SH3RF1: variants seen among roughly 807,000 people sequenced by gnomAD.
SH3RF1 encodes the protein SH3 domain containing ring finger 1, also known as E3 ubiquitin-protein ligase SH3RF1.
Under a neutral mutation model 74.0 loss-of-function variants are expected in SH3RF1, and 32 were observed. The observed-to-expected ratio is 0.43, with a 90% CI of 0.33 to 0.58. SH3RF1 has a LOEUF of 0.58. Among genes scored for constraint, SH3RF1 ranks in the 20% least tolerant of loss-of-function variants. The pLI is 0.05. For missense variants in SH3RF1, 954 were observed against 1,130.9 expected (o/e 0.84, Z 2.24); for synonymous variants, 396 against 439.6 (o/e 0.90, Z 1.24).
rs12508499 is a variant in SH3RF1, at chr4:169,204,492, C to G, written c.394-47813G>C. Among the ~76,000 whole-genome samples, 129 of 151,366 alleles carry G rather than the reference C, an allele frequency of 8.5e-4. 1 individual carries two copies. The highest frequency in any genetic ancestry group is 5.8e-3 in the East Asian group (30 of 5,158). ...GTAATGAAGTAGAGTATTCAATACA[C>G]AATTAGTTTACAGAAATTACACTAA... On this transcript the variant is annotated intron_variant, in intron 2 of 11. Coordinates refer to ENST00000284637, the MANE Select transcript of SH3RF1 (RefSeq NM_020870.4).
At chr4:169,249,083 C>T (rs1469406248) in intron 2 of SH3RF1, among the ~76,000 whole-genome samples, 1 of 152,048 alleles carries the variant, frequency 6.6e-6, no homozygotes, top group Non-Finnish European at 1.5e-5. Flanking sequence ...AAAAAATTAG[C>T]CAGGCATGGT....
chr4:169,186,196 T>C (rs1213523296), intron 2 of SH3RF1, among the ~76,000 whole-genome samples: 1 of 152,042 alleles, frequency 6.6e-6, no homozygotes, highest in African/African-American at 2.4e-5. Flanking sequence ...AAATAGAGAG[T>C]ATGGTAGCTT....
intron 2 of SH3RF1, among the ~76,000 whole-genome samples, chr4:169,230,855 CAAA>C (rs35156191): frequency 0.45 from 55,331 of 122,232 alleles, 11,632 homozygotes; most frequent in East Asian, 0.75. Flanking sequence ...GAAACCACCT[CAAA>C]AAAAAAAAAA....
chr4:169,117,499 G>A (rs746265913), intron 9 of SH3RF1, 24 bp downstream of exon 9: 4 of 1,612,714 alleles, frequency 2.5e-6, no homozygotes, highest in Non-Finnish European at 3.4e-6. Context: ...ATCCTGATAT[G>A]TTCTGGCCTG....
chr4:169,247,825 G>A (rs778538708), intron 2 of SH3RF1, among the ~76,000 whole-genome samples: 1 of 152,156 alleles, frequency 6.6e-6, no homozygotes, highest in African/African-American at 2.4e-5. Flanking sequence ...ATCAAAAAGT[G>A]GATGAAGGAC....
chr4:169,176,817 G>A (rs1389065121), intron 2 of SH3RF1, among the ~76,000 whole-genome samples: 1 of 152,230 alleles, frequency 6.6e-6, no homozygotes, highest in Non-Finnish European at 1.5e-5. Context: ...CTGGGATACA[G>A]GCATGAGCCA....
chr4:169,259,637 T>C (rs1731245064), intron 2 of SH3RF1, among the ~76,000 whole-genome samples: 1 of 152,164 alleles, frequency 6.6e-6, no homozygotes, highest in Non-Finnish European at 1.5e-5. Flanking sequence ...GAGCAGAAGA[T>C]ACATGTACTC....
intron 6 of SH3RF1, among the ~76,000 whole-genome samples, chr4:169,124,468 T>TTGC (rs1250626427): frequency 6.6e-6 from 1 of 152,212 alleles, no homozygotes; most frequent in Non-Finnish European, 1.5e-5. Flanking sequence ...AGTTAGACAT[T>TTGC]AAGATATGGC....
intron 4 of SH3RF1, among the ~76,000 whole-genome samples, chr4:169,152,073 A>G (rs958028711): frequency 2.0e-5 from 3 of 152,216 alleles, no homozygotes; most frequent in African/African-American, 7.2e-5. Context: ...AACTGTATTC[A>G]GTCCTTAAAA....
chr4:169,259,920 A>C (rs1731250968), intron 2 of SH3RF1, among the ~76,000 whole-genome samples: 1 of 152,230 alleles, frequency 6.6e-6, no homozygotes, highest in Non-Finnish European at 1.5e-5. Context: ...CTGCCACAGC[A>C]TGAATTACAA....
intron 10 of SH3RF1, among the ~76,000 whole-genome samples, chr4:169,112,386 T>C (rs942114796): frequency 2.0e-5 from 3 of 152,150 alleles, no homozygotes; most frequent in Non-Finnish European, 4.4e-5. Context: ...GCAGAAATAT[T>C]GAGAACTTGG....
intron 2 of SH3RF1, among the ~76,000 whole-genome samples, chr4:169,190,889 T>C (rs1220594739): frequency 6.6e-6 from 1 of 152,192 alleles, no homozygotes; most frequent in African/African-American, 2.4e-5. Flanking sequence ...CAAGTGGGTT[T>C]CATAAAAGGG....
At chr4:169,220,596 C>A (rs1730549395) in intron 2 of SH3RF1, among the ~76,000 whole-genome samples, 2 of 152,218 alleles carry the variant, frequency 1.3e-5, no homozygotes, top group South Asian at 4.1e-4. Context: ...TTTAGCAATT[C>A]CCAATCCTGC....
chr4:169,240,029 A>C (rs1213835322), intron 2 of SH3RF1, among the ~76,000 whole-genome samples: 4 of 152,124 alleles, frequency 2.6e-5, no homozygotes, highest in Admixed American at 6.5e-5. Context: ...CTCAAAAAAA[A>C]CAAAAGTAAT....
chr4:169,221,173 G>A (rs1022687897), intron 2 of SH3RF1, among the ~76,000 whole-genome samples: 4 of 152,152 alleles, frequency 2.6e-5, no homozygotes, highest in East Asian at 3.8e-4. Flanking sequence ...GCATTAAGAC[G>A]AAAGGCTGAA....
intron 2 of SH3RF1, among the ~76,000 whole-genome samples, chr4:169,208,408 G>C (rs556786193): frequency 6.6e-6 from 1 of 151,958 alleles, no homozygotes; most frequent in Non-Finnish European, 1.5e-5. Context: ...AGCAGCAATG[G>C]GTAGGGGAGA....
intron 5 of SH3RF1, among the ~76,000 whole-genome samples, chr4:169,135,886 A>G (rs1733691167): frequency 6.6e-6 from 1 of 152,204 alleles, no homozygotes; most frequent in Admixed American, 6.5e-5. Context: ...AATTCTGGGA[A>G]GCCTACATAT....
Position 169,136,494 on chromosome 4 carries a change from T to C in SH3RF1, c.892A>G (p.Asn298Asp). The C allele has an allele frequency of 6.2e-7, 1 of 1,613,838 alleles. No homozygotes were observed. Among genetic ancestry groups the C allele is most frequent in the Non-Finnish European group, 8.5e-7 (1 of 1,179,934 alleles). ...TAPKHSDTKKNTKKRHSFTSL... is the reference protein window; with the variant it reads ...TAPKHSDTKKDTKKRHSFTSL... Reference sequence around the variant, plus strand: ...GTGAAGGAGTGCCGCTTTTTGGTGTTCTTCTTGGTGTCGGAGTGCTTTGGG... The same window carrying C: ...GTGAAGGAGTGCCGCTTTTTGGTGTCCTTCTTGGTGTCGGAGTGCTTTGGG... The change falls in exon 5 of 12, where the codon AAC (asparagine) becomes GAC (aspartate). Residue 298 changes from asparagine to aspartate, a missense_variant. Asn to Asp is a conservative substitution (Grantham distance 23). Coordinates refer to ENST00000284637, the MANE Select transcript of SH3RF1 (RefSeq NM_020870.4).
At chr4:169,186,575 A>G (rs1031780567) in intron 2 of SH3RF1, among the ~76,000 whole-genome samples, 1 of 151,784 alleles carries the variant, frequency 6.6e-6, no homozygotes, top group Non-Finnish European at 1.5e-5. Flanking sequence ...TACCAATGTT[A>G]GCAATAAAAT....
Sources: allele counts gnomAD v4.1 joint callset (sites outside exome capture counted in the v4.1 genomes callset), GRCh38; gene constraint gnomAD v4.1.1; transcripts MANE v1.5; gene names NCBI Gene and HGNC (gene_info 2026-07-23, HGNC 2026-07-21).